KANK1: variants seen among roughly 807,000 people sequenced by gnomAD.
KANK1 encodes KN motif and ankyrin repeat domains 1.
In KANK1, 109 loss-of-function variants were observed where a neutral mutation model predicts 106.2. The observed-to-expected ratio is 1.03, with a 90% CI of 0.88 to 1.20. The LOEUF is 1.20. Ranked by LOEUF, KANK1 falls within the 50% of genes most tolerant of loss-of-function variation. The probability of loss-of-function intolerance (pLI) is 0.00; values close to 1 mark genes in which losing one functional copy is unlikely to be tolerated. For synonymous variants in KANK1, 873 were observed against 652.2 expected (o/e 1.34, Z -5.16); for missense variants, 2,399 against 1,710.7 (o/e 1.40, Z -7.10).
At chr9:486,652 C>G (rs758443809) in intron 3 of KANK1, among the ~76,000 whole-genome samples, 1 of 152,168 alleles carries the variant, frequency 6.6e-6, no homozygotes, top group African/African-American at 2.4e-5. Flanking sequence ...AAAAATTAAT[C>G]TAACATAAGC....
At chr9:605,785 C>G (rs1007569241) in intron 1 of KANK1, among the ~76,000 whole-genome samples, 1 of 151,596 alleles carries the variant, frequency 6.6e-6, no homozygotes, top group African/African-American at 2.4e-5. Flanking sequence ...TCCCTCAGTG[C>G]TTTGGATTAT....
chr9:523,595 T>G (rs1408482146), intron 1 of KANK1, among the ~76,000 whole-genome samples: 1 of 151,800 alleles, frequency 6.6e-6, no homozygotes, highest in Non-Finnish European at 1.5e-5. Flanking sequence ...CCCTTGTTAT[T>G]CTGTAGCCTC....
intron 1 of KANK1, among the ~76,000 whole-genome samples, chr9:542,020 C>T (rs919939872): frequency 7.3e-5 from 11 of 151,232 alleles, no homozygotes; most frequent in African/African-American, 1.5e-4. Flanking sequence ...ACCCGGGAGG[C>T]GGAGCTTGCA....
At chr9:507,286 T>A (rs1030938736) in intron 1 of KANK1, among the ~76,000 whole-genome samples, 1 of 152,000 alleles carries the variant, frequency 6.6e-6, no homozygotes, top group Non-Finnish European at 1.5e-5. Flanking sequence ...GCCCAGGAGT[T>A]TGAGGCTGCA....
chr9:545,676 G>A (rs2060882678), intron 1 of KANK1, among the ~76,000 whole-genome samples: 1 of 151,156 alleles, frequency 6.6e-6, no homozygotes, highest in South Asian at 2.1e-4. Context: ...GGACTTCATG[G>A]CAGCGTGACA....
chr9:547,412 A>G (rs971698126), intron 1 of KANK1: 1 of 151,906 alleles, frequency 6.6e-6, no homozygotes, highest in African/African-American at 2.4e-5. Flanking sequence ...GTGTAAATCT[A>G]AAGCCTGTGC....
chr9:542,175 A>G (rs1214632601), intron 1 of KANK1, among the ~76,000 whole-genome samples: 1 of 152,166 alleles, frequency 6.6e-6, no homozygotes, highest in Admixed American at 6.5e-5. Flanking sequence ...AAAGTGCTCA[A>G]TATCACTAAT....
chr9:739,348 T>C (rs538670220), intron 8 of KANK1, among the ~76,000 whole-genome samples: 8 of 152,252 alleles, frequency 5.3e-5, no homozygotes, highest in Non-Finnish European at 1.2e-4. Flanking sequence ...TATGCAATCA[T>C]ACTGTCCAAT....
chr9:517,905 T>G (rs1443723729), intron 1 of KANK1, among the ~76,000 whole-genome samples: 2 of 151,262 alleles, frequency 1.3e-5, no homozygotes, highest in Admixed American at 6.6e-5. Context: ...GCCTCGCTAA[T>G]TTTTGTATTT....
intron 3 of KANK1, among the ~76,000 whole-genome samples, chr9:728,743 C>G (rs72693454): frequency 0.065 from 9,864 of 152,234 alleles, 433 homozygotes; most frequent in South Asian, 0.13. Context: ...GAACCTTGGT[C>G]TTCACAACCC....
chr9:627,928 C>A (rs1237337978), intron 1 of KANK1, among the ~76,000 whole-genome samples: 1 of 151,016 alleles, frequency 6.6e-6, no homozygotes, highest in East Asian at 1.9e-4. Flanking sequence ...TATATACAGC[C>A]CCCGCTAAGT....
chr9:534,678 T>A (rs75177426), intron 1 of KANK1, among the ~76,000 whole-genome samples: 5,025 of 152,330 alleles, frequency 0.033, 100 homozygotes, highest in Non-Finnish European at 0.051. Context: ...TTACTGTGAT[T>A]TATAGTCAAG....
At chr9:523,312 C>G (rs1342287384) in intron 1 of KANK1, among the ~76,000 whole-genome samples, 1 of 151,606 alleles carries the variant, frequency 6.6e-6, no homozygotes, top group Non-Finnish European at 1.5e-5. Context: ...TCTCATACAC[C>G]CTACCTTTAA....
At chr9:500,736 G>A (rs369820423), upstream of KANK1, among the ~76,000 whole-genome samples, 33 of 152,316 alleles carry the variant, frequency 2.2e-4, no homozygotes, top group African/African-American at 6.3e-4. Flanking sequence ...AACAGAAAAT[G>A]TTGTAGAATC....
chr9:693,980 G>A (rs891602716), intron 2 of KANK1, among the ~76,000 whole-genome samples: 2 of 152,180 alleles, frequency 1.3e-5, no homozygotes, highest in Non-Finnish European at 2.9e-5. Flanking sequence ...ACATAAAGAT[G>A]TCATTGTTGC....
intron 1 of KANK1, among the ~76,000 whole-genome samples, chr9:516,679 A>G (rs1171173171): frequency 6.6e-6 from 1 of 151,606 alleles, no homozygotes; most frequent in African/African-American, 2.4e-5. Context: ...GCCTTTTATG[A>G]TGGGCCCAGG....
At chr9:495,682 T>A (rs1347582278) in intron 3 of KANK1, 1 of 152,186 alleles carries the variant, frequency 6.6e-6, no homozygotes, top group Non-Finnish European at 1.5e-5. Flanking sequence ...GCGCAGTCTC[T>A]TTTCCTCCCC....
intron 1 of KANK1, among the ~76,000 whole-genome samples, chr9:662,286 A>C (rs1423581946): frequency 6.6e-6 from 1 of 152,198 alleles, no homozygotes; most frequent in Non-Finnish European, 1.5e-5. Flanking sequence ...CATCCCCATC[A>C]AGCTACCAAT....
At chr9:646,318 A>G (rs1473495096) in intron 1 of KANK1, among the ~76,000 whole-genome samples, 2 of 150,722 alleles carry the variant, frequency 1.3e-5, no homozygotes, top group African/African-American at 5.0e-5. Context: ...GCAACATAGC[A>G]AGACCTATAT....
Sources: gnomAD v4.1 joint callset for allele counts (sites outside exome capture counted in the v4.1 genomes callset) on GRCh38, gnomAD v4.1.1 for gene constraint, MANE v1.5 for transcripts, NCBI Gene and HGNC (gene_info 2026-07-23, HGNC 2026-07-21) for gene names.